Variants in ZFP64 observed in about 807,000 individuals in gnomAD.
The protein encoded by ZFP64 is ZFP64 zinc finger protein, also known as zinc finger protein 64.
A neutral mutation model predicts 51.6 loss-of-function variants in ZFP64; 14 were observed. That is an observed-to-expected ratio of 0.27 (90% CI 0.18 to 0.42). ZFP64 has a LOEUF of 0.42. ZFP64 is among the 10% of genes least tolerant of loss of function. The pLI, the probability that ZFP64 is intolerant of heterozygous loss-of-function variation, is 1.00. For synonymous variants in ZFP64, 375 were observed against 361.4 expected (o/e 1.04, Z -0.43); for missense variants, 754 against 906.8 (o/e 0.83, Z 2.16).
intron 5 of ZFP64, among the ~76,000 whole-genome samples, chr20:52,134,012 G>T (rs896259536): frequency 7.4e-6 from 1 of 135,728 alleles, no homozygotes; most frequent in Non-Finnish European, 1.5e-5. Flanking sequence ...CTGGGCAACA[G>T]AGTGAGATCC....
At chr20:52,094,578 G>T (rs1468655736) in intron 7 of ZFP64, among the ~76,000 whole-genome samples, 1 of 152,106 alleles carries the variant, frequency 6.6e-6, no homozygotes, top group Non-Finnish European at 1.5e-5. Context: ...CTTGACAATA[G>T]TGAGACCTCG....
chr20:52,150,496 C>T (rs1368735537), downstream of ZFP64, among the ~76,000 whole-genome samples: 6 of 152,034 alleles, frequency 3.9e-5, no homozygotes, highest in African/African-American at 2.4e-5. Flanking sequence ...TTTAAAGTGA[C>T]AAAATTATTT....
At chr20:52,157,052 A>G (rs1981379457) in intron 5 of ZFP64, among the ~76,000 whole-genome samples, 1 of 152,218 alleles carries the variant, frequency 6.6e-6, no homozygotes, top group African/African-American at 2.4e-5. Flanking sequence ...AGCTTTCCCA[A>G]GTAAGACAAA....
rs1269774105 is a variant in ZFP64 at position 52,151,518 on chromosome 20, C to T, written c.*628G>A. On this transcript the variant is annotated 3_prime_UTR_variant, in exon 6 of 6. Coordinates refer to ENST00000216923, the MANE Select transcript of ZFP64 (RefSeq NM_018197.3). ...CAAATGTAATAAGATGGACAGAAAC[C>T]TTTATTAGAGTTGGAAAATCAAGTT... is the stretch of plus-strand genomic sequence containing the variant. 1 of 985,426 alleles carries T rather than the reference C, an allele frequency of 1.0e-6. No individual in the cohort carries two copies. Among genetic ancestry groups the T allele is most frequent in the Non-Finnish European group, 1.2e-6 (1 of 830,134 alleles). 61.0% of individuals were successfully genotyped at this position (985,426 alleles called of 1,614,324 possible). A position where few individuals can be genotyped will look rare whatever the true frequency, so the allele number is the denominator to read the frequency against.
intron 5 of ZFP64, among the ~76,000 whole-genome samples, chr20:52,121,855 GGGCTAAT>G (rs1432883498): frequency 6.6e-6 from 1 of 152,124 alleles, no homozygotes; most frequent in Non-Finnish European, 1.5e-5. Context: ...TTCTTGTTAG[GGGCTAAT>G]GTAGCTGGTG....
rs186604957 is a variant in ZFP64, at chr20:52,085,297, C to T, written c.1229-31G>A. The T allele has an allele frequency of 4.3e-3, 6,807 of 1,568,512 alleles. 23 individuals carry two copies. Among genetic ancestry groups the T allele is most frequent in the Non-Finnish European group, 5.5e-3 (6,323 of 1,154,726 alleles). The stretch of plus-strand genomic sequence containing the variant: ...AATGGAAGGTGTGTTTCCATTAGAA[C>T]AGGCAGGCAAAACAGACCCTCCCAC... On this transcript the variant is annotated intron_variant, in intron 8 of 8. Coordinates refer to the ZFP64 transcript ENST00000361387. The surrounding 1 kb of genome is among the most constrained non-coding windows in gnomAD (Gnocchi z 4.3).
chr20:52,138,117 G>A (rs762341009), intron 5 of ZFP64, among the ~76,000 whole-genome samples: 1 of 152,016 alleles, frequency 6.6e-6, no homozygotes, highest in African/African-American at 2.4e-5. Context: ...TGAGGTGGGA[G>A]GATCACTTGG....
intron 5 of ZFP64, among the ~76,000 whole-genome samples, chr20:52,159,679 C>G (rs1216665397): frequency 6.6e-6 from 1 of 151,984 alleles, no homozygotes; most frequent in South Asian, 2.1e-4. Flanking sequence ...GGCAAAACCC[C>G]ACCTCTACTA....
rs771297618 is a variant in ZFP64 at position 52,152,270 on chromosome 20, G to T, written c.1922C>A (p.Ala641Asp). ...GGAGAAGACCGGTGGCGCTGTGGTG[G>T]CCACTGCGATGTTCTGGCCTCCATC... ...VSDGGQNIAV[A>D]TTAPPVFSSS... Residue 641 changes from alanine (A) to aspartate (D), a missense_variant, in exon 6 of 6, where the codon GCC (alanine) becomes GAC (aspartate). Physicochemically the swap from Ala to Asp is moderately radical, Grantham distance 126. Transcript: ENST00000216923. 1 of 1,614,058 alleles carries T rather than the reference G, an allele frequency of 6.2e-7. No homozygotes were observed. Among genetic ancestry groups the T allele is most frequent in the Admixed American group, 1.7e-5 (1 of 60,018 alleles).
In ZFP64 at chr20:52,153,352, C is replaced by A. The variant is rs772290771; in HGVS notation, c.840G>T (p.Val280=). ...ACTTGAAAGGCTTCTCCCCCGAGTG[C>A]ACCCGCATGTGCCTTTTCAAGTCCG... is the stretch of plus-strand genomic sequence containing the variant. ...ISSDLKRHMR[V]HSGEKPFKCE... The change falls in exon 6 of 6, where the codon GTG becomes GTT. Residue 280 remains valine (V), a synonymous_variant. Transcript: ENST00000216923. The surrounding 1 kb of genome is among the most constrained non-coding windows in gnomAD (Gnocchi z 5.1). 6.2e-6 allele frequency: 10 copies of A among 1,614,062 alleles called. No homozygotes were observed. The highest frequency in any genetic ancestry group is 7.6e-6 in the Non-Finnish European group (9 of 1,180,058).
At chr20:52,163,644 T>C (rs1982007997) in intron 4 of ZFP64, among the ~76,000 whole-genome samples, 1 of 152,228 alleles carries the variant, frequency 6.6e-6, no homozygotes, top group African/African-American at 2.4e-5. Context: ...GAAATAACTG[T>C]TGGTTACTCA....
At chr20:52,088,894 G>A (rs2078892140) in intron 7 of ZFP64, 1 of 651,656 alleles carries the variant, frequency 1.5e-6, no homozygotes, top group Admixed American at 2.2e-5. Context: ...GCCAAACCCT[G>A]TTTGGGAAAA....
chr20:52,151,847 T>G lies in ZFP64; in HGVS notation c.*299A>C. On this transcript the variant is annotated 3_prime_UTR_variant, in exon 6 of 6. Coordinates refer to ENST00000216923, the MANE Select transcript of ZFP64 (RefSeq NM_018197.3). ...TGGGCAGATCACTTGAGGTCAGGAG[T>G]TCAACATGATGAAACCCCGTCTCTA... The G allele has an allele frequency of 2.0e-6, 2 of 1,008,262 alleles. No homozygotes were observed. The highest frequency in any genetic ancestry group is 2.5e-5 in the South Asian group (1 of 40,230). 62.5% of individuals were successfully genotyped at this position (1,008,262 alleles called of 1,614,324 possible).
At chr20:52,084,818 G>A (rs762362147) in exon 9 of ZFP64, 24 of 1,614,074 alleles carry the variant, frequency 1.5e-5, no homozygotes, top group Non-Finnish European at 1.9e-5. Context: ...GCCCTTCCTT[G>A]CCCAGAGGGG....
chr20:52,182,061 G>A (rs1983653437), intron 2 of ZFP64, among the ~76,000 whole-genome samples: 1 of 152,168 alleles, frequency 6.6e-6, no homozygotes, highest in Non-Finnish European at 1.5e-5. Context: ...ATCGCTCATT[G>A]AACCCAATTT....
intron 5 of ZFP64, among the ~76,000 whole-genome samples, chr20:52,115,359 T>C (rs920208474): frequency 4.0e-5 from 6 of 151,256 alleles, no homozygotes; most frequent in African/African-American, 1.2e-4. Context: ...GTGAAATATA[T>C]ATTCACATAA....
chr20:52,186,147 C>T (rs927269724), intron 2 of ZFP64, among the ~76,000 whole-genome samples: 4 of 152,182 alleles, frequency 2.6e-5, no homozygotes, highest in Non-Finnish European at 5.9e-5. Flanking sequence ...AATACATTCT[C>T]TGTTTCCCTA....
intron 5 of ZFP64, among the ~76,000 whole-genome samples, chr20:52,122,309 A>AT (rs1297196645): frequency 2.0e-5 from 3 of 152,114 alleles, no homozygotes; most frequent in Non-Finnish European, 4.4e-5. Context: ...GATCGAGACC[A>AT]TTCTGGCTAA....
At chr20:52,102,418 T>G (rs978300114) in intron 5 of ZFP64, among the ~76,000 whole-genome samples, 14 of 152,054 alleles carry the variant, frequency 9.2e-5, no homozygotes, top group Non-Finnish European at 1.9e-4. Context: ...TACTTTTGAG[T>G]CTCTTGCTCT....
Sources: gnomAD v4.1 joint callset for allele counts (sites outside exome capture counted in the v4.1 genomes callset) on GRCh38, gnomAD v4.1.1 for gene constraint, Gnocchi (gnomAD v3.1) non-coding constraint, MANE v1.5 for transcripts, NCBI Gene and HGNC (gene_info 2026-07-23, HGNC 2026-07-21) for gene names.